ETV6: variants seen among roughly 807,000 people sequenced by gnomAD.
ETV6 encodes ETS variant transcription factor 6, also known as transcription factor ETV6.
Under a neutral mutation model 51.1 loss-of-function variants are expected in ETV6, and 16 were observed. That is an observed-to-expected ratio of 0.31 (90% CI 0.21 to 0.48). ETV6 has a LOEUF of 0.48. Ranked by LOEUF, ETV6 falls within the 20% of genes least tolerant of loss-of-function variation. The probability of loss-of-function intolerance (pLI) is 0.99; values close to 1 mark genes in which losing one functional copy is unlikely to be tolerated. For missense variants in ETV6, 458 were observed against 594.8 expected, an observed-to-expected ratio of 0.77 and a Z score of 2.39; for synonymous variants, 240 against 224.1, an observed-to-expected ratio of 1.07 and a Z score of -0.64.
chr12:11,838,746 G>C (rs1946349440), intron 2 of ETV6, among the ~76,000 whole-genome samples: 1 of 152,222 alleles, frequency 6.6e-6, no homozygotes, highest in South Asian at 2.1e-4. Context: ...TCATAGTTCT[G>C]AGCCCCTGTG....
At chr12:11,707,206 C>T (rs1022172514) in intron 1 of ETV6, among the ~76,000 whole-genome samples, 1 of 152,082 alleles carries the variant, frequency 6.6e-6, no homozygotes, top group Non-Finnish European at 1.5e-5. Context: ...GTGAAAAAAA[C>T]GTGTTGGAGA....
chr12:11,890,468 C>T (rs1288136647), intron 7 of ETV6, among the ~76,000 whole-genome samples: 2 of 151,622 alleles, frequency 1.3e-5, no homozygotes, highest in African/African-American at 4.9e-5. Context: ...CACTTTGTCA[C>T]CCAAGTTAGA....
intron 1 of ETV6, among the ~76,000 whole-genome samples, chr12:11,702,376 G>A (rs1425479333): frequency 4.6e-5 from 7 of 152,144 alleles, no homozygotes; most frequent in Non-Finnish European, 1.0e-4. Flanking sequence ...TACCCATAGT[G>A]GCAAGAATGA....
At chr12:11,803,940 T>A (rs1356582328) in intron 2 of ETV6, among the ~76,000 whole-genome samples, 2 of 150,926 alleles carry the variant, frequency 1.3e-5, no homozygotes, top group Admixed American at 6.6e-5. Context: ...CATCATCATC[T>A]TCTGATCTTC....
Position 11,650,502 on chromosome 12 carries a change from AC to A in ETV6, c.33+343del, listed in dbSNP as rs1390412419. On this transcript the variant is annotated intron_variant, in intron 1 of 7. Transcript: ENST00000396373. The stretch of plus-strand genomic sequence containing the variant: ...CGCTTAAAAAAAAAAAAAACAAAAA[AC>A]AAAAAAAAAAAACCTGCTCCCTATT... 8.3e-3 allele frequency among the ~76,000 whole-genome samples: 658 copies of A among 79,474 alleles called. 63 individuals carry two copies. The highest frequency in any genetic ancestry group is 9.1e-3 in the African/African-American group (202 of 22,254). 52.1% of individuals were successfully genotyped at this position (79,474 alleles called of 152,430 possible).
chr12:11,812,682 G>A lies in ETV6; in HGVS notation c.164-26458G>A, dbSNP rs552049331. On this transcript the variant is annotated intron_variant, in intron 2 of 7. Coordinates refer to ENST00000396373, the MANE Select transcript of ETV6 (RefSeq NM_001987.5). ...TCTTTCACAGCCACCACAAAGCCACGCTTTCTCTGCTAAGTACACATTCCT... is the reference window on the plus strand; with the variant it reads ...TCTTTCACAGCCACCACAAAGCCACACTTTCTCTGCTAAGTACACATTCCT... Among the ~76,000 whole-genome samples the A allele has an allele frequency of 2.0e-4, 30 of 152,194 alleles. No individual in the cohort carries two copies. In the East Asian group the frequency reaches 3.5e-3, roughly 18 times the overall value.
At chr12:11,883,000 T>C (rs1947124254) in intron 5 of ETV6, among the ~76,000 whole-genome samples, 1 of 152,210 alleles carries the variant, frequency 6.6e-6, no homozygotes, top group Non-Finnish European at 1.5e-5. Flanking sequence ...ACAGGTAAAG[T>C]GCCGAGTTCA....
chr12:11,874,715 T>C lies in ETV6; in HGVS notation c.1009+4746T>C, dbSNP rs183808725. Among the ~76,000 whole-genome samples, 478 of 149,198 alleles carry C rather than the reference T, an allele frequency of 3.2e-3. 54 individuals carry two copies. Among genetic ancestry groups the C allele is most frequent in the African/African-American group, 0.011 (454 of 40,462 alleles). ...GTGTGTATATATGTATATATGTATA[T>C]GTGTATATATATGTGTATATATATA... On this transcript the variant is annotated intron_variant, in intron 5 of 7. Coordinates refer to ENST00000396373, the MANE Select transcript of ETV6 (RefSeq NM_001987.5).
At chr12:11,782,965 G>GGAGA (rs1456768311) in intron 2 of ETV6, among the ~76,000 whole-genome samples, 3 of 152,134 alleles carry the variant, frequency 2.0e-5, no homozygotes, top group African/African-American at 7.2e-5. Context: ...TTTAAATAGG[G>GGAGA]GAGAGAAGGG....
intron 7 of ETV6, among the ~76,000 whole-genome samples, chr12:11,886,528 A>C (rs1014521265): frequency 1.4e-4 from 21 of 151,972 alleles, no homozygotes; most frequent in Non-Finnish European, 2.4e-4. Flanking sequence ...ACTGCATGAC[A>C]TGTAGCAAGA....
At position 11,869,932 on chromosome 12, in the gene ETV6, G is replaced by T; in HGVS notation, c.972G>T (p.Pro324=). The T allele has an allele frequency of 6.2e-7, 1 of 1,609,774 alleles. No individual in the cohort carries two copies. Among genetic ancestry groups the T allele is most frequent in the Non-Finnish European group, 8.5e-7 (1 of 1,179,782 alleles). ...YMNHIMVSVS[P]PEEHAMPIGR... is the part of the protein sequence containing the mutation. ...ACCACATCATGGTCTCTGTCTCCCC[G>T]CCTGAAGAGCACGCCATGCCCATTG... Residue 324 remains proline (P), a synonymous_variant, in exon 5 of 8, where the codon CCG becomes CCT. Coordinates refer to ENST00000396373, the MANE Select transcript of ETV6 (RefSeq NM_001987.5). This position sits in a 1 kb window ranked among gnomAD's most constrained non-coding sequence, Gnocchi z 5.0.
At chr12:11,730,180 T>TA (rs1384026569) in intron 1 of ETV6, among the ~76,000 whole-genome samples, 1 of 152,100 alleles carries the variant, frequency 6.6e-6, no homozygotes, top group East Asian at 1.9e-4. Flanking sequence ...CTACAATCCT[T>TA]AAAAAACATG....
chr12:11,855,740 C>T (rs554134113), intron 4 of ETV6, among the ~76,000 whole-genome samples: 3 of 152,306 alleles, frequency 2.0e-5, no homozygotes, highest in African/African-American at 7.2e-5. Context: ...TTCGTGCACG[C>T]TCCCTGCCTT....
At chr12:11,737,547 T>C (rs562810220) in intron 1 of ETV6, among the ~76,000 whole-genome samples, 1 of 152,364 alleles carries the variant, frequency 6.6e-6, no homozygotes, top group South Asian at 2.1e-4. Context: ...TTTATTTTTC[T>C]AGTCTGAACC....
intron 1 of ETV6, among the ~76,000 whole-genome samples, chr12:11,676,760 G>A (rs1864429088): frequency 6.6e-6 from 1 of 152,158 alleles, no homozygotes; most frequent in Non-Finnish European, 1.5e-5. Context: ...TTGGTTTTGA[G>A]CTTATGAACA....
At chr12:11,751,854 T>C (rs757695420) in intron 1 of ETV6, 4 of 510,362 alleles carry the variant, frequency 7.8e-6, no homozygotes, top group Non-Finnish European at 1.6e-5. Flanking sequence ...AGGAAAAAAT[T>C]AGACGTTGGA....
chr12:11,804,111 C>T (rs1945791664), intron 2 of ETV6, among the ~76,000 whole-genome samples: 1 of 151,990 alleles, frequency 6.6e-6, no homozygotes, highest in Admixed American at 6.6e-5. Flanking sequence ...AGATTTTTAT[C>T]AGGTGTTTAC....
chr12:11,865,506 C>T (rs1262439260), intron 4 of ETV6, among the ~76,000 whole-genome samples: 4 of 150,640 alleles, frequency 2.7e-5, no homozygotes, highest in Non-Finnish European at 4.4e-5. Flanking sequence ...CTGCAACCTT[C>T]TTGTGTGTGT....
chr12:11,821,095 G>A (rs2136435201), intron 2 of ETV6, among the ~76,000 whole-genome samples: 1 of 152,322 alleles, frequency 6.6e-6, no homozygotes, highest in South Asian at 2.1e-4. Flanking sequence ...GGGCACGGTG[G>A]CTCACGCCTG....
Sources: allele counts gnomAD v4.1 joint callset (sites outside exome capture counted in the v4.1 genomes callset), GRCh38; gene constraint gnomAD v4.1.1; non-coding constraint Gnocchi (gnomAD v3.1); transcripts MANE v1.5; gene names NCBI Gene and HGNC (gene_info 2026-07-23, HGNC 2026-07-21).